Variants in CLINT1 observed in about 807,000 individuals in gnomAD.
CLINT1 encodes the protein clathrin interactor 1.
Under a neutral mutation model 70.4 loss-of-function variants are expected in CLINT1, and 15 were observed. That is an observed-to-expected ratio of 0.21 (90% CI 0.14 to 0.33). The LOEUF is 0.33. Among genes scored for constraint, CLINT1 ranks in the 10% least tolerant of loss-of-function variants. The pLI is 1.00. For missense variants in CLINT1, 615 were observed against 778.1 expected (o/e 0.79, Z 2.49); for synonymous variants, 227 against 254.7 (o/e 0.89, Z 1.04).
intron 5 of CLINT1, among the ~76,000 whole-genome samples, chr5:157,811,133 G>A (rs530938968): frequency 2.2e-4 from 33 of 152,098 alleles, no homozygotes; most frequent in Non-Finnish European, 3.5e-4. Flanking sequence ...AAATTTACAC[G>A]AAAAATGGAA....
intron 5 of CLINT1, among the ~76,000 whole-genome samples, chr5:157,811,084 T>G (rs569689436): frequency 1.3e-5 from 2 of 152,192 alleles, no homozygotes; most frequent in Non-Finnish European, 2.9e-5. Context: ...GTATGTACAT[T>G]TCAACAACAG....
intron 5 of CLINT1, among the ~76,000 whole-genome samples, chr5:157,811,507 T>C (rs1447617248): frequency 4.1e-5 from 6 of 144,758 alleles, no homozygotes; most frequent in African/African-American, 1.5e-4. Context: ...CACTCCAGCC[T>C]GGATGACAGA....
chr5:157,844,303 T>C (rs1753294265), intron 1 of CLINT1, among the ~76,000 whole-genome samples: 1 of 152,184 alleles, frequency 6.6e-6, no homozygotes, highest in Non-Finnish European at 1.5e-5. Flanking sequence ...TAGGGTATAA[T>C]ATGGACCTTC....
intron 2 of CLINT1, 36 bp from the exon 3 acceptor site, chr5:157,816,866 T>C (rs1322808281): frequency 2.7e-6 from 4 of 1,475,244 alleles, no homozygotes; most frequent in Non-Finnish European, 3.7e-6. Flanking sequence ...GTCTGCAATA[T>C]ATTAATTTTG....
chr5:157,825,206 T>C (rs1762999162), intron 1 of CLINT1, among the ~76,000 whole-genome samples: 1 of 152,152 alleles, frequency 6.6e-6, no homozygotes, highest in South Asian at 2.1e-4. Context: ...TCCAATGATA[T>C]CATATGTATA....
At chr5:157,811,761 CA>C (rs771259806) in intron 5 of CLINT1, among the ~76,000 whole-genome samples, 26 of 151,990 alleles carry the variant, frequency 1.7e-4, no homozygotes, top group Middle Eastern at 3.4e-3. Flanking sequence ...ATCATGCTGG[CA>C]AAAAGAAAGA....
intron 1 of CLINT1, among the ~76,000 whole-genome samples, chr5:157,819,960 G>T (rs1762831038): frequency 6.6e-6 from 1 of 152,206 alleles, no homozygotes; most frequent in Admixed American, 6.5e-5. Context: ...AGGCCTGTGT[G>T]AGTGCTGTGT....
chr5:157,817,336 A>G, intron 2 of CLINT1, 107 bp downstream of exon 2: 1 of 703,694 alleles, frequency 1.4e-6, no homozygotes, highest in East Asian at 2.8e-5. Context: ...ATTATGCAAA[A>G]TTTATATTTT....
chr5:157,787,669 T>C lies in CLINT1; in HGVS notation c.1855A>G (p.Asn619Asp), dbSNP rs367625780. Residue 619 changes from asparagine (N) to aspartate (D), a missense_variant, in exon 12 of 12, where the codon AAT becomes GAT. Asn to Asp is a conservative substitution (Grantham distance 23). Coordinates refer to ENST00000411809, the MANE Select transcript of CLINT1 (RefSeq NM_014666.4). ...TCTTATTTGCTAAAATTGGCGAAAT[T>C]TGCAAAGGCATCTTGCTTGGGTTGC... is the stretch of plus-strand genomic sequence containing the variant. ...TVQPKQDAFA[N>D]FANFSK is the part of the protein sequence containing the mutation. 1 of 1,613,384 alleles carries C rather than the reference T, an allele frequency of 6.2e-7. No individual in the cohort carries two copies.
intron 7 of CLINT1, 144 bp downstream of exon 7, chr5:157,805,722 A>G: frequency 9.9e-7 from 1 of 1,009,310 alleles, no homozygotes; most frequent in Non-Finnish European, 1.4e-6. Flanking sequence ...ATTTCTTATT[A>G]TTAATGTCTC....
At chr5:157,817,616 C>A in intron 1 of CLINT1, 69 bp from the exon 2 acceptor site, 1 of 1,034,892 alleles carries the variant, frequency 9.7e-7, no homozygotes, top group South Asian at 1.4e-5. Context: ...CACATGAAAA[C>A]TTAATAATGA....
At chr5:157,835,145 T>C (rs1252724605) in intron 1 of CLINT1, among the ~76,000 whole-genome samples, 1 of 152,220 alleles carries the variant, frequency 6.6e-6, no homozygotes, top group Non-Finnish European at 1.5e-5. Context: ...TTTTATGCTT[T>C]ACACGTTGGC....
intron 3 of CLINT1, among the ~76,000 whole-genome samples, chr5:157,815,569 T>A (rs999171254): frequency 6.6e-6 from 1 of 152,082 alleles, no homozygotes; most frequent in East Asian, 1.9e-4. Context: ...ACAAAAAAAA[T>A]TTAGTTAGGT....
chr5:157,805,953 A>G lies in CLINT1; in HGVS notation c.855T>C (p.Ile285=). The part of the protein sequence containing the change: ...HKRTANPSKT[I]DLGAAAHYTG... Reference sequence around the variant, plus strand: ...TGTAATGTGCTGCTGCTCCAAGATCAATGGTTTTGGAAGGATTTGCTGTGC... The same window carrying G: ...TGTAATGTGCTGCTGCTCCAAGATCGATGGTTTTGGAAGGATTTGCTGTGC... The change falls in exon 7 of 12, where the codon ATT becomes ATC. Residue 285 remains isoleucine (I), a synonymous_variant. Transcript: ENST00000411809. 3 of 1,613,822 alleles carry G rather than the reference A, an allele frequency of 1.9e-6. No homozygotes were observed. Among genetic ancestry groups the G allele is most frequent in the Non-Finnish European group, 2.5e-6 (3 of 1,179,844 alleles).
intron 1 of CLINT1, among the ~76,000 whole-genome samples, chr5:157,843,514 C>G (rs1484529203): frequency 6.6e-6 from 1 of 152,146 alleles, no homozygotes; most frequent in African/African-American, 2.4e-5. Flanking sequence ...CTTAACAGAC[C>G]TGGAAGGTAG....
At chr5:157,850,104 C>T (rs185606348) in intron 1 of CLINT1, among the ~76,000 whole-genome samples, 78 of 152,138 alleles carry the variant, frequency 5.1e-4, no homozygotes, top group African/African-American at 1.5e-3. Context: ...AGATCACAGG[C>T]GGGGCAACAA....
Position 157,816,776 on chromosome 5 carries a change from T to G in CLINT1, c.201A>C (p.Arg67=), listed in dbSNP as rs1191584928. ...FPELMNMLWS[R]MLKDNKKNWR... ...AATTCTTTTTGTTGTCTTTTAACAT[T>G]CGTGACCAAAGCATGTTCATAAGTT... Residue 67 remains arginine, a synonymous_variant, in exon 3 of 12, where the codon CGA becomes CGC. Transcript: ENST00000411809. 6.2e-7 allele frequency: 1 copy of G among 1,611,330 alleles called. No individual in the cohort carries two copies. The highest frequency in any genetic ancestry group is 1.1e-5 in the South Asian group (1 of 90,598).
At chr5:157,840,636 C>A (rs1753141713) in intron 1 of CLINT1, among the ~76,000 whole-genome samples, 1 of 151,496 alleles carries the variant, frequency 6.6e-6, no homozygotes. Flanking sequence ...GGGCGAATGA[C>A]AAGCAAAGAT....
rs1003301857 is a variant in CLINT1 at position 157,795,201 on chromosome 5, T to C, written c.1013-229A>G. 13 of 470,280 alleles carry C rather than the reference T, an allele frequency of 2.8e-5. No homozygotes were observed. In the Admixed American group the frequency reaches 3.4e-4, roughly 12 times the overall value. The allele number at this position is 470,280 out of a possible 1,614,324, so 29.1% of individuals were successfully genotyped here. ...CTATATCTAGTAAGATAAATGACACTGTATCTGTTGTTAAAATTATCTCAC... is the reference window on the plus strand; with the variant it reads ...CTATATCTAGTAAGATAAATGACACCGTATCTGTTGTTAAAATTATCTCAC... On this transcript the variant is annotated intron_variant, in intron 8 of 11. Coordinates refer to ENST00000411809, the MANE Select transcript of CLINT1 (RefSeq NM_014666.4).
Sources: allele counts gnomAD v4.1 joint callset (sites outside exome capture counted in the v4.1 genomes callset), GRCh38; gene constraint gnomAD v4.1.1; transcripts MANE v1.5; gene names NCBI Gene and HGNC (gene_info 2026-07-23, HGNC 2026-07-21).